The following CSMD1 variants were observed in gnomAD, a reference collection of about 807,000 sequenced individuals.
The protein encoded by CSMD1 is CUB and Sushi multiple domains 1, also known as CUB and sushi domain-containing protein 1.
Under a neutral mutation model 417.5 loss-of-function variants are expected in CSMD1, and 213 were observed. That is an observed-to-expected ratio of 0.51 (90% CI 0.46 to 0.57). CSMD1 has a LOEUF of 0.57. Among genes scored for constraint, CSMD1 ranks in the 20% least tolerant of loss-of-function variants. CSMD1 has a pLI of 0.00. For missense variants in CSMD1, 6,923 were observed against 4,529.7 expected (o/e 1.53, Z -15.17); for synonymous variants, 2,862 against 1,736.8 (o/e 1.65, Z -16.11).
intron 5 of CSMD1, among the ~76,000 whole-genome samples, chr8:3,815,708 T>G (rs1351280967): frequency 2.6e-5 from 4 of 151,990 alleles, no homozygotes; most frequent in Non-Finnish European, 4.4e-5. Context: ...TTTCATACTC[T>G]GAATTCTTTG....
chr8:4,320,517 C>A (rs186028573), intron 3 of CSMD1, among the ~76,000 whole-genome samples: 451 of 152,106 alleles, frequency 3.0e-3, no homozygotes, highest in Middle Eastern at 0.01. Context: ...TAGACCCCCA[C>A]CCCCCAACAG....
intron 3 of CSMD1, among the ~76,000 whole-genome samples, chr8:4,332,512 C>CT (rs1344486472): frequency 4.7e-5 from 7 of 149,318 alleles, no homozygotes; most frequent in African/African-American, 1.7e-4. Flanking sequence ...CTGGTTTTTG[C>CT]TTTTTTTCCC....
chr8:3,843,591 G>C (rs931430772), intron 5 of CSMD1, among the ~76,000 whole-genome samples: 2 of 152,112 alleles, frequency 1.3e-5, no homozygotes, highest in Non-Finnish European at 2.9e-5. Flanking sequence ...CCAGTTGGAA[G>C]TTTAATATTT....
intron 12 of CSMD1, 45 bp from the exon 13 acceptor site, chr8:3,409,650 G>A (rs766529242): frequency 1.4e-6 from 2 of 1,444,192 alleles, no homozygotes; most frequent in Non-Finnish European, 9.3e-7. Context: ...ACACACACAA[G>A]GAATATTTTT....
At chr8:4,324,255 T>G (rs1799427194) in intron 3 of CSMD1, among the ~76,000 whole-genome samples, 1 of 152,098 alleles carries the variant, frequency 6.6e-6, no homozygotes, top group African/African-American at 2.4e-5. Context: ...AGAATGTGAG[T>G]TCTGAGACCT....
At chr8:3,664,336 A>G (rs1352554591) in intron 7 of CSMD1, among the ~76,000 whole-genome samples, 2 of 152,176 alleles carry the variant, frequency 1.3e-5, no homozygotes, top group African/African-American at 2.4e-5. Context: ...TTCCAGCTTC[A>G]TCTTAAAATT....
At chr8:4,438,979 G>T (rs1485632140) in intron 2 of CSMD1, among the ~76,000 whole-genome samples, 2 of 152,162 alleles carry the variant, frequency 1.3e-5, no homozygotes, top group African/African-American at 4.8e-5. Context: ...CGCTTCATCA[G>T]TCCTAGACGT....
At chr8:4,919,481 A>G (rs1227369331) in intron 1 of CSMD1, among the ~76,000 whole-genome samples, 1 of 152,208 alleles carries the variant, frequency 6.6e-6, no homozygotes, top group Non-Finnish European at 1.5e-5. Flanking sequence ...TTCCCTGGCT[A>G]TTTGAAGCAT....
At chr8:3,052,967 T>C (rs367610586) in intron 49 of CSMD1, among the ~76,000 whole-genome samples, 1 of 151,972 alleles carries the variant, frequency 6.6e-6, no homozygotes, top group Non-Finnish European at 1.5e-5. Flanking sequence ...TCTCTATTTT[T>C]AGTACAGACT....
chr8:3,877,215 C>G (rs375089475), intron 5 of CSMD1, among the ~76,000 whole-genome samples: 1 of 152,078 alleles, frequency 6.6e-6, no homozygotes, highest in Non-Finnish European at 1.5e-5. Context: ...GGGCTCAGCA[C>G]CCCACACTGC....
At chr8:4,898,526 G>A (rs948587495) in intron 1 of CSMD1, among the ~76,000 whole-genome samples, 1 of 152,158 alleles carries the variant, frequency 6.6e-6, no homozygotes, top group Non-Finnish European at 1.5e-5. Context: ...CAATAAAACA[G>A]GTCTTTATGC....
intron 5 of CSMD1, among the ~76,000 whole-genome samples, chr8:3,942,608 A>G (rs1810957941): frequency 6.6e-6 from 1 of 152,186 alleles, no homozygotes; most frequent in Admixed American, 6.5e-5. Flanking sequence ...TAAAGGCGAC[A>G]TTGGTCCGGC....
Position 4,315,119 on chromosome 8 carries a change from G to C in CSMD1, c.415+104834C>G, listed in dbSNP as rs137980059. ...AGAGGACAGGGCTTCTTACACCATC[G>C]CAAGAGCACCACTCATTCTCTGCCC... is the stretch of plus-strand genomic sequence containing the variant. On this transcript the variant is annotated intron_variant, in intron 3 of 69. Transcript: ENST00000635120. Among the ~76,000 whole-genome samples, 54 of 152,246 alleles carry C rather than the reference G, an allele frequency of 3.5e-4. 1 individual carries two copies. The highest frequency in any genetic ancestry group is 1.2e-3 in the African/African-American group (51 of 41,550).
At chr8:3,017,562 C>T (rs910047580) in intron 52 of CSMD1, among the ~76,000 whole-genome samples, 1 of 151,928 alleles carries the variant, frequency 6.6e-6, no homozygotes, top group Admixed American at 6.6e-5. Flanking sequence ...CCTGTAAGTC[C>T]TGCAGTGATT....
Position 4,379,008 on chromosome 8 carries a change from G to A in CSMD1, c.415+40945C>T, listed in dbSNP as rs191805054. On this transcript the variant is annotated intron_variant, in intron 3 of 69. Coordinates refer to ENST00000635120, the MANE Select transcript of CSMD1 (RefSeq NM_033225.6). The stretch of plus-strand genomic sequence containing the variant: ...ACAGCTCAGATGGATTAAGAAAGTA[G>A]CAAAGTATCTTCTTCAAAATATCCA... 3.7e-4 allele frequency among the ~76,000 whole-genome samples: 57 copies of A among 152,190 alleles called. No individual in the cohort carries two copies. In the East Asian group the frequency reaches 9.5e-3, roughly 25 times the overall value.
chr8:4,043,116 C>A (rs951053850), intron 3 of CSMD1, among the ~76,000 whole-genome samples: 1 of 151,938 alleles, frequency 6.6e-6, no homozygotes, highest in Non-Finnish European at 1.5e-5. Flanking sequence ...CTGGGTGAGA[C>A]AGTGAGACTC....
intron 3 of CSMD1, among the ~76,000 whole-genome samples, chr8:4,279,829 G>C (rs976324711): frequency 1.3e-5 from 2 of 152,178 alleles, no homozygotes; most frequent in Admixed American, 1.3e-4. Flanking sequence ...AAAAGACTGA[G>C]TGCTTGCCTG....
At chr8:3,637,361 G>A (rs541391718) in intron 7 of CSMD1, among the ~76,000 whole-genome samples, 18 of 152,068 alleles carry the variant, frequency 1.2e-4, no homozygotes, top group African/African-American at 3.4e-4. Context: ...ATGAGTTTGG[G>A]CAACATAAAG....
intron 25 of CSMD1, among the ~76,000 whole-genome samples, chr8:3,295,522 G>T (rs546901339): frequency 1.2e-4 from 19 of 152,070 alleles, no homozygotes; most frequent in African/African-American, 4.6e-4. Flanking sequence ...TTTTATTTTC[G>T]TAGTTCCTTA....
Sources: allele counts gnomAD v4.1 joint callset (sites outside exome capture counted in the v4.1 genomes callset), GRCh38; gene constraint gnomAD v4.1.1; transcripts MANE v1.5; gene names NCBI Gene and HGNC (gene_info 2026-07-23, HGNC 2026-07-21).